PLB1: variants seen among roughly 807,000 people sequenced by gnomAD.
PLB1 encodes phospholipase B1, membrane-associated.
PLB1 carries 242 observed loss-of-function variants against 227.4 expected under a neutral mutation model. That is an observed-to-expected ratio of 1.06 (90% CI 0.96 to 1.18). The LOEUF (loss-of-function observed/expected upper bound fraction) is 1.18, where lower values mean the gene tolerates loss of function less well. Among genes scored for constraint, PLB1 ranks in the 50% most tolerant of loss-of-function variants. The pLI is 0.00. For synonymous variants in PLB1, 757 were observed against 682.2 expected (o/e 1.11, Z -1.71); for missense variants, 1,858 against 1,816.3 (o/e 1.02, Z -0.42).
At chr2:28,600,997 T>C (rs897406486) in intron 36 of PLB1, 137 bp downstream of exon 36, 2 of 830,304 alleles carry the variant, frequency 2.4e-6, no homozygotes, top group Admixed American at 4.4e-5. Flanking sequence ...GACAGCCCCC[T>C]GACAGAGGTC....
intron 25 of PLB1, chr2:28,585,457 A>G (rs961880258): frequency 1.9e-4 from 55 of 287,574 alleles, no homozygotes; most frequent in Non-Finnish European, 3.5e-4. Flanking sequence ...TTGTATTTTT[A>G]GTAGAGACGG....
chr2:28,518,684 C>CTGGGA, intron 3 of PLB1, 152 bp downstream of exon 3: 1 of 610,922 alleles, frequency 1.6e-6, no homozygotes, highest in Non-Finnish European at 2.9e-6. Context: ...GATGATTTCC[C>CTGGGA]AGTCATCTGT....
intron 14 of PLB1, among the ~76,000 whole-genome samples, chr2:28,547,364 A>G (rs1013198619): frequency 6.6e-6 from 1 of 152,206 alleles, no homozygotes; most frequent in African/African-American, 2.4e-5. Context: ...AGAATAAAAC[A>G]GAAAGAAGCG....
rs7601771 is a variant in PLB1, at chr2:28,601,926, C to G, written c.2635C>G (p.His879Asp). ...TCTGTATTCTGCAGCCAACTTTGTT[C>G]ACCATCTCCGCAATGCCTTGGACGT... Reference protein sequence around the residue: ...SNLYSAANFVHHLRNALDVLH... With the variant: ...SNLYSAANFVDHLRNALDVLH... The change falls in exon 38 of 58, where the codon CAC (histidine) becomes GAC (aspartate). Residue 879 changes from histidine (H) to aspartate (D), a missense_variant. By Grantham distance (81) the His-to-Asp change is moderately conservative. Coordinates refer to ENST00000327757, the MANE Select transcript of PLB1 (RefSeq NM_153021.5). The G allele has an allele frequency of 0.56, 896,345 of 1,606,930 alleles. 253,845 individuals carry two copies. The highest frequency in any genetic ancestry group is 0.86 in the East Asian group (38,440 of 44,810).
chr2:28,573,129 GC>G, intron 20 of PLB1, 67 bp from the exon 21 acceptor site: 1 of 1,258,564 alleles, frequency 7.9e-7, no homozygotes, highest in South Asian at 1.2e-5. Flanking sequence ...ACCCACTGGT[GC>G]TTATCAAAGG....
At chr2:28,508,357 C>T (rs1328746698) in intron 1 of PLB1, among the ~76,000 whole-genome samples, 1 of 152,174 alleles carries the variant, frequency 6.6e-6, no homozygotes, top group East Asian at 1.9e-4. Flanking sequence ...TCTCTGCTCC[C>T]CATTCTCACC....
At chr2:28,552,270 G>A (rs1388925178) in intron 16 of PLB1, among the ~76,000 whole-genome samples, 1 of 152,146 alleles carries the variant, frequency 6.6e-6, no homozygotes, top group Non-Finnish European at 1.5e-5. Context: ...GGGAGGGTGA[G>A]CAAATAGAAG....
At position 28,553,117 on chromosome 2, in the gene PLB1, T is replaced by C. The variant is rs117175467; in HGVS notation, c.1147+126T>C. The C allele has an allele frequency of 1.9e-5, 14 of 754,674 alleles. No individual in the cohort carries two copies. The East Asian group carries it at 3.5e-4, about 19-fold the overall frequency. The allele number at this position is 754,674 out of a possible 1,614,324, so 46.7% of individuals were successfully genotyped here. ...CAGGGACAACAGAAATAACTCTGTA[T>C]GTATATTTGTAAAGCCATGGCTGTG... On this transcript the variant is annotated intron_variant, in intron 17 of 57. Coordinates refer to ENST00000327757, the MANE Select transcript of PLB1 (RefSeq NM_153021.5).
chr2:28,559,813 G>C (rs896603905), intron 17 of PLB1, among the ~76,000 whole-genome samples: 1 of 121,286 alleles, frequency 8.2e-6, no homozygotes, highest in Non-Finnish European at 1.6e-5. Flanking sequence ...TTGCAGTGGC[G>C]CAATCTCGGC....
intron 46 of PLB1, among the ~76,000 whole-genome samples, chr2:28,619,917 T>A (rs980001307): frequency 6.6e-6 from 1 of 151,542 alleles, no homozygotes; most frequent in African/African-American, 2.4e-5. Flanking sequence ...TGTGCAGGAG[T>A]AACAGAAACT....
chr2:28,559,751 T>A (rs1373054426), intron 17 of PLB1, among the ~76,000 whole-genome samples: 1 of 135,780 alleles, frequency 7.4e-6, no homozygotes, highest in Admixed American at 7.4e-5. Flanking sequence ...TTTTTTTTTT[T>A]TTTTTTTTTT....
At position 28,598,730 on chromosome 2, in the gene PLB1, T is replaced by G. The variant is rs376159984; in HGVS notation, c.2444T>G (p.Leu815Arg). 3 of 1,614,166 alleles carry G rather than the reference T, an allele frequency of 1.9e-6. No individual in the cohort carries two copies. Among genetic ancestry groups the G allele is most frequent in the Non-Finnish European group, 2.5e-6 (3 of 1,179,976 alleles). Residue 815 changes from leucine to arginine, a missense_variant, in exon 35 of 58, where the codon CTC (leucine) becomes CGC (arginine). Coordinates refer to ENST00000327757, the MANE Select transcript of PLB1 (RefSeq NM_153021.5). ...GATGCCAATGACACGAATGCATTCC[T>G]CAATCAAGCTGTTCCCGGAGCAAAG... ...TGDANDTNAF[L>R]NQAVPGAKAE...
chr2:28,543,313 G>A (rs756099839), intron 14 of PLB1, 45 bp downstream of exon 14: 36 of 1,585,942 alleles, frequency 2.3e-5, no homozygotes, highest in Non-Finnish European at 3.0e-5. Context: ...GGAGGGGCAA[G>A]GTCTCCACCA....
At chr2:28,573,455 G>A (rs1678367373) in intron 21 of PLB1, 150 bp downstream of exon 21, 4 of 638,866 alleles carry the variant, frequency 6.3e-6, no homozygotes, top group East Asian at 2.7e-5. Context: ...CTCTCTTGGA[G>A]GTGTCACAGA....
chr2:28,506,687 T>C (rs1394886019), intron 1 of PLB1, among the ~76,000 whole-genome samples: 2 of 152,184 alleles, frequency 1.3e-5, no homozygotes, highest in East Asian at 3.8e-4. Context: ...GAAAGTTCTT[T>C]AGCAGGGGAG....
At position 28,622,890 on chromosome 2, in the gene PLB1, AAAT is replaced by A. The variant is rs1175241634; in HGVS notation, c.3527+1922_3527+1924del. Reference sequence around the variant, plus strand: ...AACAAGAATGAATCTCCATCTCCAAAAATAATAATAATTAAAAATAAATAAAAG... The same window carrying A: ...AACAAGAATGAATCTCCATCTCCAAAAATAATAATTAAAAATAAATAAAAG... On this transcript the variant is annotated intron_variant, in intron 49 of 57. Transcript: ENST00000327757. 1.4e-4 allele frequency among the ~76,000 whole-genome samples: 21 copies of A among 152,350 alleles called. No homozygotes were observed. In the South Asian group the frequency reaches 2.1e-3, roughly 15 times the overall value.
intron 23 of PLB1, among the ~76,000 whole-genome samples, chr2:28,580,131 A>G (rs1679673146): frequency 2.0e-5 from 3 of 152,200 alleles, no homozygotes; most frequent in Admixed American, 2.0e-4. Context: ...TTCAGAGCCA[A>G]GTCATTCTGG....
chr2:28,581,775 C>G (rs1680054592), intron 23 of PLB1, among the ~76,000 whole-genome samples: 1 of 151,822 alleles, frequency 6.6e-6, no homozygotes, highest in Admixed American at 6.6e-5. Flanking sequence ...GCCTGGGCAA[C>G]ATGGGGAAAC....
At chr2:28,591,666 C>T (rs1681963837) in intron 30 of PLB1, 34 bp from the exon 31 acceptor site, 3 of 1,608,786 alleles carry the variant, frequency 1.9e-6, no homozygotes, top group East Asian at 2.2e-5. Context: ...TCCCTTTCAA[C>T]CCTGAGATTC....
Sources: allele counts gnomAD v4.1 joint callset (sites outside exome capture counted in the v4.1 genomes callset), GRCh38; gene constraint gnomAD v4.1.1; transcripts MANE v1.5; gene names NCBI Gene and HGNC (gene_info 2026-07-23, HGNC 2026-07-21).